Variants in MTARC2 observed in about 807,000 individuals in gnomAD.
MTARC2 encodes MOCO sulphurase C-terminal domain containing 2.
A neutral mutation model predicts 35.6 loss-of-function variants in MTARC2; 27 were observed. The ratio of observed to expected loss-of-function variants is 0.76; its 90% CI spans 0.56 to 1.04. The LOEUF is 1.04. Among genes scored for constraint, MTARC2 ranks in the 50% least tolerant of loss-of-function variants. The probability of loss-of-function intolerance (pLI) is 0.00; values close to 1 mark genes in which losing one functional copy is unlikely to be tolerated. For synonymous variants in MTARC2, 158 were observed against 167.1 expected (o/e 0.95, Z 0.42); for missense variants, 412 against 432.5 (o/e 0.95, Z 0.42).
intron 7 of MTARC2, among the ~76,000 whole-genome samples, chr1:220,783,324 C>T (rs1158840664): frequency 6.6e-6 from 1 of 152,152 alleles, no homozygotes; most frequent in Non-Finnish European, 1.5e-5. Flanking sequence ...TGTGAAGCTC[C>T]TAAGTACCTG....
chr1:220,760,556 G>A (rs1471004005), intron 2 of MTARC2, among the ~76,000 whole-genome samples: 1 of 152,022 alleles, frequency 6.6e-6, no homozygotes, highest in Non-Finnish European at 1.5e-5. Flanking sequence ...GAGTTTTATG[G>A]ATATTTTATG....
intron 2 of MTARC2, 43 bp from the exon 3 acceptor site, chr1:220,761,615 T>C: frequency 1.3e-6 from 2 of 1,568,858 alleles, no homozygotes; most frequent in Non-Finnish European, 1.7e-6. Context: ...CTCAGTGTAT[T>C]GATATAAGTA....
Position 220,781,962 on chromosome 1 carries a change from C to G in MTARC2, c.*31+30C>G, listed in dbSNP as rs1250404671. The G allele has an allele frequency of 3.2e-6, 5 of 1,565,078 alleles. No homozygotes were observed. In the African/African-American group the frequency reaches 6.8e-5, roughly 21 times the overall value. On this transcript the variant is annotated intron_variant, in intron 7 of 7. Coordinates refer to ENST00000366913, the MANE Select transcript of MTARC2 (RefSeq NM_017898.5). ...AGGGTCAGCTTTGCTTCTGAATACG[C>G]TGTCTTGAAGCCATTGCTGCATTTT...
At position 220,784,022 on chromosome 1, in the gene MTARC2, C is replaced by G; in HGVS notation, c.*135C>G. On this transcript the variant is annotated 3_prime_UTR_variant, in exon 8 of 8. Transcript: ENST00000366913. The stretch of plus-strand genomic sequence containing the variant: ...CTTCAACTATCTTTACCCTGGAAAA[C>G]AATCTCGATTTTTGACTTTTCAAAG... The G allele has an allele frequency of 1.4e-6, 1 of 713,212 alleles. No homozygotes were observed. Among genetic ancestry groups the G allele is most frequent in the Non-Finnish European group, 2.6e-6 (1 of 382,772 alleles). 44.2% of individuals were successfully genotyped at this position (713,212 alleles called of 1,614,324 possible).
intron 4 of MTARC2, among the ~76,000 whole-genome samples, chr1:220,769,446 C>T (rs1671674511): frequency 6.6e-6 from 1 of 152,224 alleles, no homozygotes; most frequent in Admixed American, 6.5e-5. Flanking sequence ...TTAAACAACA[C>T]TGGTGCCTCC....
chr1:220,775,771 ATGT>A (rs1190020158), intron 4 of MTARC2, among the ~76,000 whole-genome samples: 7 of 152,200 alleles, frequency 4.6e-5, no homozygotes, highest in African/African-American at 1.7e-4. Context: ...ACATTAGAAC[ATGT>A]TGTATTTGGT....
chr1:220,759,082 T>C (rs1030254917), intron 2 of MTARC2, among the ~76,000 whole-genome samples: 6 of 152,244 alleles, frequency 3.9e-5, no homozygotes, highest in Non-Finnish European at 8.8e-5. Context: ...TCCTAAACAT[T>C]TACTCTTTTC....
rs186767653 is a variant in MTARC2 at position 220,778,196 on chromosome 1, C to T, written c.751-1822C>T. Among the ~76,000 whole-genome samples the T allele has an allele frequency of 6.6e-4, 89 of 135,122 alleles. 1 individual carries two copies. The highest frequency in any genetic ancestry group is 2.3e-3 in the African/African-American group (84 of 36,362). The allele number at this position is 135,122 out of a possible 152,430, so 88.6% of individuals were successfully genotyped here. A position where few individuals can be genotyped will look rare whatever the true frequency, so the allele number is the denominator to read the frequency against. On this transcript the variant is annotated intron_variant, in intron 4 of 7. Coordinates refer to ENST00000366913, the MANE Select transcript of MTARC2 (RefSeq NM_017898.5). ...GGCGGAGATTGCGGCTGCAGTGAGC[C>T]GAGATTGCGCCACTGCATTCTAGCT...
intron 1 of MTARC2, among the ~76,000 whole-genome samples, chr1:220,749,220 T>G (rs774543231): frequency 2.0e-5 from 3 of 152,148 alleles, no homozygotes; most frequent in Admixed American, 6.5e-5. Flanking sequence ...CTCACATTTC[T>G]CCAATCCTGG....
rs149492776 is a variant in MTARC2 at position 220,762,991 on chromosome 1, A to T, written c.691A>T (p.Met231Leu). The change falls in exon 4 of 8, where the codon ATG (methionine) becomes TTG (leucine). Residue 231 changes from methionine (M) to leucine (L), a missense_variant. Coordinates refer to ENST00000366913, the MANE Select transcript of MTARC2 (RefSeq NM_017898.5). The part of the protein sequence containing the change: ...VDLNTRMEKK[M>L]KMENFRPNIV... ...TTTGAATACCAGGATGGAGAAGAAAATGAAAATGGAGAATTTCAGGCCAAA... is the reference window on the plus strand; with the variant it reads ...TTTGAATACCAGGATGGAGAAGAAATTGAAAATGGAGAATTTCAGGCCAAA... 228 of 1,614,106 alleles carry T rather than the reference A, an allele frequency of 1.4e-4. No homozygotes were observed. In the African/African-American group the frequency reaches 2.8e-3, roughly 20 times the overall value.
At chr1:220,764,088 G>T (rs549582539) in intron 4 of MTARC2, among the ~76,000 whole-genome samples, 2 of 151,776 alleles carry the variant, frequency 1.3e-5, no homozygotes, top group East Asian at 3.9e-4. Flanking sequence ...TGAGTAAAAT[G>T]TGCCCTAATT....
chr1:220,760,913 G>A (rs12046511), intron 2 of MTARC2, among the ~76,000 whole-genome samples: 2,047 of 152,224 alleles, frequency 0.013, 34 homozygotes, highest in East Asian at 0.06. Context: ...TTTAGATCCC[G>A]TTACACACTT....
chr1:220,773,610 G>A (rs1317507987), intron 4 of MTARC2, among the ~76,000 whole-genome samples: 1 of 152,110 alleles, frequency 6.6e-6, no homozygotes, highest in Admixed American at 6.5e-5. Context: ...CCTTACCTAA[G>A]GGATCTCTAC....
intron 7 of MTARC2, among the ~76,000 whole-genome samples, chr1:220,783,264 A>G (rs1369175214): frequency 6.6e-6 from 1 of 152,244 alleles, no homozygotes. Context: ...TACAATTGGT[A>G]TATCTTGGAT....
intron 4 of MTARC2, among the ~76,000 whole-genome samples, chr1:220,778,573 T>C (rs997707513): frequency 6.6e-6 from 1 of 152,124 alleles, no homozygotes; most frequent in African/African-American, 2.4e-5. Context: ...CCTCCAACAG[T>C]AGGGATGACA....
Position 220,755,088 on chromosome 1 carries a change from G to A in MTARC2, c.414G>A (p.Lys138=). The change falls in exon 2 of 8, where the codon AAG becomes AAA. Residue 138 remains lysine (K), a synonymous_variant. Transcript: ENST00000366913. The part of the protein sequence containing the change: ...PDMDQLVLPS[K]QPSSNKLHNC... Reference sequence around the variant, plus strand: ...TGGACCAGCTGGTTTTGCCTAGCAAGCAGCCTTCCTCAAACAAACTCCACA... The same window carrying A: ...TGGACCAGCTGGTTTTGCCTAGCAAACAGCCTTCCTCAAACAAACTCCACA... The A allele has an allele frequency of 1.9e-6, 3 of 1,611,490 alleles. No individual in the cohort carries two copies. The South Asian group carries it at 3.3e-5, about 18-fold the overall frequency.
At chr1:220,781,715 T>C in intron 6 of MTARC2, 63 bp from the exon 7 acceptor site, 3 of 1,586,864 alleles carry the variant, frequency 1.9e-6, no homozygotes, top group African/African-American at 1.3e-5. Flanking sequence ...TTGAGTTCTA[T>C]TGAGAATACT....
intron 3 of MTARC2, 135 bp downstream of exon 3, chr1:220,761,955 G>A (rs1671449477): frequency 2.3e-6 from 2 of 863,508 alleles, no homozygotes; most frequent in South Asian, 3.4e-5. Flanking sequence ...GTGATAATGA[G>A]GGCACAGCCT....
intron 2 of MTARC2, among the ~76,000 whole-genome samples, chr1:220,755,436 G>C (rs995555478): frequency 3.3e-5 from 5 of 152,332 alleles, no homozygotes; most frequent in East Asian, 3.9e-4. Context: ...AAGGCCAAGT[G>C]GGGGAGTACC....
Sources: gnomAD v4.1 joint callset for allele counts (sites outside exome capture counted in the v4.1 genomes callset) on GRCh38, gnomAD v4.1.1 for gene constraint, MANE v1.5 for transcripts, NCBI Gene and HGNC (gene_info 2026-07-23, HGNC 2026-07-21) for gene names.